Variants in NDUFA10 observed in about 807,000 individuals in gnomAD.
NDUFA10 encodes NADH dehydrogenase [ubiquinone] 1 alpha subcomplex subunit 10, mitochondrial.
NDUFA10 carries 40 observed loss-of-function variants against 47.8 expected under a neutral mutation model. That is an observed-to-expected ratio of 0.84 (90% CI 0.65 to 1.09). The LOEUF (loss-of-function observed/expected upper bound fraction) is 1.09, where lower values mean the gene tolerates loss of function less well. Ranked by LOEUF, NDUFA10 falls within the 50% of genes least tolerant of loss-of-function variation. NDUFA10 has a pLI of 0.00. For synonymous variants in NDUFA10, 183 were observed against 172.2 expected (o/e 1.06, Z -0.49); for missense variants, 413 against 451.1 (o/e 0.92, Z 0.76).
rs531555455 is a variant in NDUFA10 at position 239,929,199 on chromosome 2, G to C, written c.295-33885C>G. Among the ~76,000 whole-genome samples, 6 of 152,322 alleles carry C rather than the reference G, an allele frequency of 3.9e-5. No homozygotes were observed. In the East Asian group the frequency reaches 7.7e-4, roughly 20 times the overall value. On this transcript the variant is annotated intron_variant, in intron 4 of 5. Transcript: ENST00000419408. ...CTGCCCTGACACTGCAGTGATGTGC[G>C]TGCTTGGCACCAACCGGTGGCCTGG...
At chr2:240,008,156 T>C (rs574717287) in intron 6 of NDUFA10, among the ~76,000 whole-genome samples, 5 of 152,114 alleles carry the variant, frequency 3.3e-5, no homozygotes, top group African/African-American at 7.2e-5. Context: ...ACTTCCAAAG[T>C]GTAGGAAAAA....
At chr2:239,955,828 T>A (rs567675850), downstream of NDUFA10, among the ~76,000 whole-genome samples, 7 of 152,172 alleles carry the variant, frequency 4.6e-5, no homozygotes, top group African/African-American at 1.7e-4. Flanking sequence ...TGATACTACC[T>A]CACCTGTGGG....
At chr2:239,935,644 T>G (rs1006934896) in intron 4 of NDUFA10, among the ~76,000 whole-genome samples, 1 of 152,192 alleles carries the variant, frequency 6.6e-6, no homozygotes, top group Non-Finnish European at 1.5e-5. Context: ...AATTCCCACA[T>G]GTTGTGGGAG....
intron 3 of NDUFA10, among the ~76,000 whole-genome samples, chr2:240,019,818 CAAAAAAAAAAAAAAAAAAAAAAA>C (rs60278142): frequency 1.6e-4 from 2 of 12,222 alleles, no homozygotes; most frequent in Admixed American, 2.6e-3. Flanking sequence ...GACTCCGTCT[CAAAAAAAAAAAAAAAAAAAAAAA>C]AAAAAAAAGA....
intron 3 of NDUFA10, among the ~76,000 whole-genome samples, chr2:240,020,242 G>C (rs570023886): frequency 6.6e-6 from 1 of 152,056 alleles, no homozygotes; most frequent in Non-Finnish European, 1.5e-5. Context: ...CCCTAGTGGC[G>C]GCTGAGCTTG....
At chr2:240,021,107 G>A (rs1403682455) in intron 3 of NDUFA10, 90 bp downstream of exon 3, 12 of 1,099,830 alleles carry the variant, frequency 1.1e-5, no homozygotes, top group Non-Finnish European at 1.5e-5. Flanking sequence ...ACCCTTAAAG[G>A]AAAGCTCGAC....
In NDUFA10 at chr2:239,960,335, AT is replaced by A. The variant is rs1482428727; in HGVS notation, c.*782del. The A allele has an allele frequency of 1.5e-5, 15 of 985,442 alleles. No homozygotes were observed. The African/African-American group carries it at 2.6e-4, about 17-fold the overall frequency. The allele number at this position is 985,442 out of a possible 1,614,324, so 61.0% of individuals were successfully genotyped here. A position where few individuals can be genotyped will look rare whatever the true frequency, so the allele number is the denominator to read the frequency against. On this transcript the variant is annotated 3_prime_UTR_variant, in exon 10 of 10. Coordinates refer to ENST00000252711, the MANE Select transcript of NDUFA10 (RefSeq NM_004544.4). ...ATAAAGAAATCTGATTTTCTTTCTC[AT>A]TTCTCAGTTTTGACTGGCAACTTGA... is the stretch of plus-strand genomic sequence containing the variant.
At chr2:240,001,543 C>CA (rs1476266930) in intron 8 of NDUFA10, among the ~76,000 whole-genome samples, 7 of 152,234 alleles carry the variant, frequency 4.6e-5, no homozygotes, top group Non-Finnish European at 1.0e-4. Context: ...TGCCCAGGGG[C>CA]ACAGTGACAG....
At chr2:239,961,279 C>CTTCAT in intron 9 of NDUFA10, 93 bp from the exon 10 acceptor site, 2 of 1,595,886 alleles carry the variant, frequency 1.3e-6, no homozygotes, top group Non-Finnish European at 1.7e-6. Context: ...GATGCCTGTA[C>CTTCAT]TTCATGAGTT....
Position 239,971,675 on chromosome 2 carries a change from G to A in NDUFA10, c.1000-10489C>T, listed in dbSNP as rs932955613. 5.3e-5 allele frequency among the ~76,000 whole-genome samples: 8 copies of A among 152,302 alleles called. No homozygotes were observed. The East Asian group carries it at 7.7e-4, about 15-fold the overall frequency. ...AGAGACTTGACTTGCCTACGGTCAC[G>A]TGGCTAGCTGGTGGCAGGCTGAAAG... is the stretch of plus-strand genomic sequence containing the variant. On this transcript the variant is annotated intron_variant, in intron 9 of 9. Coordinates refer to ENST00000252711, the MANE Select transcript of NDUFA10 (RefSeq NM_004544.4).
intron 9 of NDUFA10, chr2:239,983,531 T>G: frequency 6.2e-7 from 1 of 1,602,278 alleles, no homozygotes; most frequent in South Asian, 1.1e-5. Context: ...CAAAGGAACA[T>G]AAAGGCTGTG....
At chr2:239,975,659 G>A (rs932411795) in intron 9 of NDUFA10, among the ~76,000 whole-genome samples, 1 of 152,212 alleles carries the variant, frequency 6.6e-6, no homozygotes, top group Admixed American at 6.5e-5. Flanking sequence ...AGCAGCAGAA[G>A]TGGTGCCCTC....
chr2:240,003,610 A>G (rs1170201926), intron 8 of NDUFA10, among the ~76,000 whole-genome samples: 2 of 152,208 alleles, frequency 1.3e-5, no homozygotes, highest in Admixed American at 6.5e-5. Flanking sequence ...TGATTTATAA[A>G]TAATCAGAAT....
chr2:239,968,889 G>A (rs145663570), intron 9 of NDUFA10, among the ~76,000 whole-genome samples: 2 of 152,274 alleles, frequency 1.3e-5, no homozygotes, highest in African/African-American at 2.4e-5. Flanking sequence ...CATTCAACAG[G>A]GACCCCATGG....
At chr2:239,918,524 C>A (rs1404317571) in intron 4 of NDUFA10, among the ~76,000 whole-genome samples, 2 of 152,224 alleles carry the variant, frequency 1.3e-5, no homozygotes, top group Admixed American at 6.5e-5. Flanking sequence ...CCAGGGAAAA[C>A]CTGACTTGGC....
At chr2:240,011,502 C>T in intron 6 of NDUFA10, 115 bp downstream of exon 6, 1 of 790,508 alleles carries the variant, frequency 1.3e-6, no homozygotes, top group South Asian at 1.4e-5. Flanking sequence ...GATTAAACAT[C>T]TCAGACAATA....
At chr2:239,995,758 C>A (rs1325087717) in intron 8 of NDUFA10, among the ~76,000 whole-genome samples, 2 of 152,140 alleles carry the variant, frequency 1.3e-5, no homozygotes, top group African/African-American at 2.4e-5. Flanking sequence ...ACACACCATG[C>A]CCACACTAAT....
chr2:239,973,304 G>C (rs918551704), intron 9 of NDUFA10, among the ~76,000 whole-genome samples: 2 of 152,172 alleles, frequency 1.3e-5, no homozygotes, highest in African/African-American at 4.8e-5. Flanking sequence ...ACCTAAAGCA[G>C]TCACGTCTGG....
intron 4 of NDUFA10, chr2:240,017,735 G>T: frequency 8.5e-7 from 1 of 1,180,328 alleles, no homozygotes; most frequent in Non-Finnish European, 1.2e-6. Flanking sequence ...CTTGCGGGCG[G>T]CAAGCTCACA....
Sources: gnomAD v4.1 joint callset for allele counts (sites outside exome capture counted in the v4.1 genomes callset) on GRCh38, gnomAD v4.1.1 for gene constraint, MANE v1.5 for transcripts, NCBI Gene and HGNC (gene_info 2026-07-23, HGNC 2026-07-21) for gene names.